The following APBA1 variants were observed in gnomAD, a reference collection of about 807,000 sequenced individuals.
APBA1 encodes amyloid-beta A4 precursor protein-binding family A member 1.
A neutral mutation model predicts 86.6 loss-of-function variants in APBA1; 55 were observed. That is an observed-to-expected ratio of 0.64 (90% confidence interval 0.51 to 0.80). The LOEUF (loss-of-function observed/expected upper bound fraction) is 0.80, where lower values mean the gene tolerates loss of function less well. Ranked by LOEUF, APBA1 falls within the 30% of genes least tolerant of loss-of-function variation. APBA1 has a pLI of 0.00. For synonymous variants in APBA1, 511 were observed against 493.9 expected (o/e 1.03, Z -0.46); for missense variants, 1,090 against 1,183.0 (o/e 0.92, Z 1.15).
rs1295297015 is a variant in APBA1, at chr9:69,517,193, C to A, written c.18G>T (p.Gly6=). 7 of 1,528,256 alleles carry A rather than the reference C, an allele frequency of 4.6e-6. No individual in the cohort carries two copies. The highest frequency in any genetic ancestry group is 2.0e-5 in the Admixed American group (1 of 49,936). The allele number at this position is 1,528,256 out of a possible 1,614,324, so 94.7% of individuals were successfully genotyped here. A position where few individuals can be genotyped will look rare whatever the true frequency, so the allele number is the denominator to read the frequency against. The stretch of plus-strand genomic sequence containing the variant: ...CGTCGGTCACCTCCACCTCCGCAGA[C>A]CCCTCCAAGTGGTTCATGGTGGGAG... MNHLE[G]SAEVEVTDEA... The change falls in exon 2 of 13, where the codon GGG becomes GGT. Residue 6 remains glycine, a synonymous_variant. Coordinates refer to ENST00000265381, the MANE Select transcript of APBA1 (RefSeq NM_001163.4).
intron 1 of APBA1, among the ~76,000 whole-genome samples, chr9:69,621,683 T>C (rs1342131054): frequency 2.4e-5 from 2 of 82,618 alleles, no homozygotes; most frequent in Non-Finnish European, 4.9e-5. Flanking sequence ...AATTCATATA[T>C]ATATCAAGTA....
At chr9:69,594,178 A>G (rs905228794) in intron 1 of APBA1, among the ~76,000 whole-genome samples, 10 of 152,050 alleles carry the variant, frequency 6.6e-5, no homozygotes, top group African/African-American at 2.4e-4. Flanking sequence ...ATGTCATATC[A>G]TGGCTGCAGC....
chr9:69,459,296 A>G (rs1465405607), intron 5 of APBA1, among the ~76,000 whole-genome samples: 1 of 152,208 alleles, frequency 6.6e-6, no homozygotes, highest in Non-Finnish European at 1.5e-5. Flanking sequence ...AATCAATGAC[A>G]ATTAGGTCAA....
In APBA1 at chr9:69,440,981, AG is replaced by A. The variant is rs1834811344; in HGVS notation, c.2301+14del. On this transcript the variant is annotated intron_variant, in intron 11 of 12. Coordinates refer to ENST00000265381, the MANE Select transcript of APBA1 (RefSeq NM_001163.4). ...TCAACATTGTGGAAAAGGGTGTGGA[AG>A]GTGTTCTACTTACAATTCCATTCTG... is the stretch of plus-strand genomic sequence containing the variant. 1 of 1,611,084 alleles carries A rather than the reference AG, an allele frequency of 6.2e-7. No homozygotes were observed. Among genetic ancestry groups the A allele is most frequent in the South Asian group, 1.1e-5 (1 of 90,534 alleles).
At chr9:69,528,601 C>A (rs1020288704) in intron 1 of APBA1, among the ~76,000 whole-genome samples, 1 of 152,010 alleles carries the variant, frequency 6.6e-6, no homozygotes, top group African/African-American at 2.4e-5. Flanking sequence ...GAAGGTTATA[C>A]AAACTTGGTA....
At chr9:69,511,787 A>G in intron 2 of APBA1, among the ~76,000 whole-genome samples, 1 of 152,044 alleles carries the variant, frequency 6.6e-6, no homozygotes. Flanking sequence ...CATGGATGAA[A>G]TTGGAAATCA....
chr9:69,618,350 A>G (rs141392514), intron 1 of APBA1, among the ~76,000 whole-genome samples: 1 of 152,260 alleles, frequency 6.6e-6, no homozygotes, highest in African/African-American at 2.4e-5. Context: ...AATTCACTCA[A>G]CATTTAGTGT....
intron 5 of APBA1, among the ~76,000 whole-genome samples, 160 bp downstream of exon 5, chr9:69,467,663 T>A (rs1201240786): frequency 6.6e-6 from 1 of 152,198 alleles, no homozygotes; most frequent in Non-Finnish European, 1.5e-5. Context: ...ATTTTGGAAA[T>A]TTTTGTTTTG....
intron 1 of APBA1, among the ~76,000 whole-genome samples, chr9:69,631,647 G>A (rs577544095): frequency 7.9e-4 from 121 of 152,298 alleles, no homozygotes; most frequent in African/African-American, 2.8e-3. Context: ...CAAAGACTTG[G>A]AACCAATCCA....
At chr9:69,621,640 C>T (rs1293617710) in intron 1 of APBA1, among the ~76,000 whole-genome samples, 1 of 152,130 alleles carries the variant, frequency 6.6e-6, no homozygotes, top group Non-Finnish European at 1.5e-5. Context: ...AACAGCTTCA[C>T]AATATTCACA....
chr9:69,497,690 ACCT>A (rs991923976), intron 2 of APBA1, among the ~76,000 whole-genome samples: 4 of 151,560 alleles, frequency 2.6e-5, no homozygotes, highest in Admixed American at 6.6e-5. Flanking sequence ...TCAGGACAAC[ACCT>A]CCTCTTTTCC....
chr9:69,431,306 TGCCACCGCGTGTG>T lies in APBA1; in HGVS notation c.*8_*20del. On this transcript the variant is annotated 3_prime_UTR_variant, in exon 13 of 13. Transcript: ENST00000265381. ...CACGAAGAGGAGAGTCCTCCATGCA[TGCCACCGCGTGTG>T]GCCGCGGTCAGATGTAAACAGGCTG... 1 of 1,580,406 alleles carries T rather than the reference TGCCACCGCGTGTG, an allele frequency of 6.3e-7. No individual in the cohort carries two copies. Among genetic ancestry groups the T allele is most frequent in the East Asian group, 2.3e-5 (1 of 43,320 alleles).
chr9:69,589,805 T>A (rs1423512307), intron 1 of APBA1, among the ~76,000 whole-genome samples: 2 of 152,166 alleles, frequency 1.3e-5, no homozygotes, highest in Non-Finnish European at 2.9e-5. Flanking sequence ...GGCCAAACAT[T>A]TTAGGTCCAT....
chr9:69,635,339 C>A (rs191912185), intron 1 of APBA1, among the ~76,000 whole-genome samples: 1 of 151,508 alleles, frequency 6.6e-6, no homozygotes, highest in Non-Finnish European at 1.5e-5. Flanking sequence ...TCATGGTAAC[C>A]CCAAATCAAA....
intron 1 of APBA1, among the ~76,000 whole-genome samples, chr9:69,614,064 G>A (rs766894637): frequency 2.4e-4 from 37 of 152,020 alleles, no homozygotes; most frequent in Non-Finnish European, 5.0e-4. Flanking sequence ...GCTTTGAAAG[G>A]GTTAAGGTTT....
At chr9:69,643,973 T>G (rs572867586) in intron 1 of APBA1, among the ~76,000 whole-genome samples, 1 of 152,344 alleles carries the variant, frequency 6.6e-6, no homozygotes, top group Non-Finnish European at 1.5e-5. Flanking sequence ...CCTAGAAGGC[T>G]CTTCCCACAA....
chr9:69,617,328 G>A (rs924152954), intron 1 of APBA1, among the ~76,000 whole-genome samples: 1 of 151,962 alleles, frequency 6.6e-6, no homozygotes, highest in Non-Finnish European at 1.5e-5. Context: ...AGGTTGACAA[G>A]ATTAATATTG....
intron 9 of APBA1, among the ~76,000 whole-genome samples, chr9:69,450,809 T>C (rs1384707658): frequency 1.2e-4 from 18 of 151,876 alleles, no homozygotes; most frequent in Non-Finnish European, 1.5e-5. Flanking sequence ...GGAATGGTTG[T>C]CTGTCATGGG....
chr9:69,655,498 T>A, intron 1 of APBA1, among the ~76,000 whole-genome samples: 1 of 151,932 alleles, frequency 6.6e-6, no homozygotes, highest in Non-Finnish European at 1.5e-5. Context: ...AGCTACAAAA[T>A]AATAAATTAC....
Sources: allele counts gnomAD v4.1 joint callset (sites outside exome capture counted in the v4.1 genomes callset), GRCh38; gene constraint gnomAD v4.1.1; transcripts MANE v1.5; gene names NCBI Gene and HGNC (gene_info 2026-07-23, HGNC 2026-07-21).